The following PRCD variants were observed in gnomAD, a reference collection of about 807,000 sequenced individuals.
The protein encoded by PRCD is photoreceptor disk component PRCD.
A neutral mutation model predicts 10.1 loss-of-function variants in PRCD; 12 were observed. The observed-to-expected ratio is 1.18, with a 90% CI of 0.76 to 1.92. The LOEUF is 1.92. Ranked by LOEUF, PRCD falls within the 40% of genes most tolerant of loss-of-function variation. The pLI is 0.00. For synonymous variants in PRCD, 31 were observed against 26.2 expected, an observed-to-expected ratio of 1.18 and a Z score of -0.56; for missense variants, 61 against 72.2, an observed-to-expected ratio of 0.84 and a Z score of 0.56.
At position 76,531,666 on chromosome 17, in the gene PRCD, T is replaced by C; in HGVS notation, n.45+3833T>C. 6.2e-7 allele frequency: 1 copy of C among 1,600,176 alleles called. No homozygotes were observed. Among genetic ancestry groups the C allele is most frequent in the Non-Finnish European group, 8.6e-7 (1 of 1,168,346 alleles). Reference sequence around the variant, plus strand: ...TGCTTGAACTGGCTGAAGTACTGCTTGGCCGAGGGGAAGTTCACAAAGAAC... The same window carrying C: ...TGCTTGAACTGGCTGAAGTACTGCTCGGCCGAGGGGAAGTTCACAAAGAAC... On this transcript the variant is annotated intron_variant and non_coding_transcript_variant, in intron 1 of 4. Coordinates refer to the PRCD transcript ENST00000397633. The surrounding 1 kb of genome is among the most constrained non-coding windows in gnomAD (Gnocchi z 7.4).
chr17:76,540,356 A>C lies in PRCD; in HGVS notation c.74+141A>C. On this transcript the variant is annotated intron_variant, in intron 1 of 4. Transcript: ENST00000592014. The surrounding 1 kb of genome is among the most constrained non-coding windows in gnomAD (Gnocchi z 5.0). ...GGGCATTTTGAGGAACCCTTGAGAG[A>C]GCACAGTCTCAGAGCAGGGGGACTT... 1 of 1,277,628 alleles carries C rather than the reference A, an allele frequency of 7.8e-7. No homozygotes were observed. The highest frequency in any genetic ancestry group is 1.2e-5 in the South Asian group (1 of 80,756). 79.1% of individuals were successfully genotyped at this position (1,277,628 alleles called of 1,614,324 possible).
Position 76,540,456 on chromosome 17 carries a change from G to A in PRCD, c.75-49G>A. 1 of 1,595,698 alleles carries A rather than the reference G, an allele frequency of 6.3e-7. No individual in the cohort carries two copies. The highest frequency in any genetic ancestry group is 8.6e-7 in the Non-Finnish European group (1 of 1,163,828). ...GCCTGGACCTGTGGAGGGACAGTGA[G>A]GGGCTGGGCACAGCCATAGCTCTTC... is the stretch of plus-strand genomic sequence containing the variant. On this transcript the variant is annotated intron_variant, in intron 1 of 4. Transcript: ENST00000592014. The surrounding 1 kb of genome is among the most constrained non-coding windows in gnomAD (Gnocchi z 5.0).
rs144319284 is a variant in PRCD at position 76,544,240 on chromosome 17, C to T, written c.*590C>T. Reference sequence around the variant, plus strand: ...GCGTCTCTCCTCCCCAGCCAGCCCCCCTCCCAGCCCAGCGGCGATGTCTCT... The same window carrying T: ...GCGTCTCTCCTCCCCAGCCAGCCCCTCTCCCAGCCCAGCGGCGATGTCTCT... On this transcript the variant is annotated 3_prime_UTR_variant, in exon 5 of 5. Coordinates refer to ENST00000592014, the MANE Select transcript of PRCD (RefSeq NM_001077620.3). The T allele has an allele frequency of 7.3e-5, 33 of 454,466 alleles. No individual in the cohort carries two copies. The highest frequency in any genetic ancestry group is 1.3e-4 in the Non-Finnish European group (30 of 226,808). The allele number at this position is 454,466 out of a possible 1,614,324, so 28.2% of individuals were successfully genotyped here. A position where few individuals can be genotyped will look rare whatever the true frequency, so the allele number is the denominator to read the frequency against.
At chr17:76,545,595 T>C (rs1017878379), downstream of PRCD, 5 of 341,956 alleles carry the variant, frequency 1.5e-5, no homozygotes, top group African/African-American at 4.3e-5. Flanking sequence ...GCTCCTGGGT[T>C]TGAACCTTGT....
At position 76,528,212 on chromosome 17, in the gene PRCD, G is replaced by C. The variant is rs1215262617; in HGVS notation, n.45+379G>C. 4 of 398,162 alleles carry C rather than the reference G, an allele frequency of 1.0e-5. No homozygotes were observed. Among genetic ancestry groups the C allele is most frequent in the African/African-American group, 8.2e-5 (4 of 48,578 alleles). The allele number at this position is 398,162 out of a possible 1,614,324, so 24.7% of individuals were successfully genotyped here. A position where few individuals can be genotyped will look rare whatever the true frequency, so the allele number is the denominator to read the frequency against. ...ATGTGTGCGTGATACTCTAGATGGT[G>C]ATGTGGAGACCTGCATGCTGGCCGG... On this transcript the variant is annotated intron_variant and non_coding_transcript_variant, in intron 1 of 4. Coordinates refer to the PRCD transcript ENST00000397633. This position sits in a 1 kb window ranked among gnomAD's most constrained non-coding sequence, Gnocchi z 5.8.
rs1165978825 is a variant in PRCD, at chr17:76,528,370, C to T, written n.45+537C>T. 1.9e-5 allele frequency: 8 copies of T among 422,582 alleles called. No individual in the cohort carries two copies. The highest frequency in any genetic ancestry group is 4.4e-5 in the Admixed American group (1 of 22,736). 26.2% of individuals were successfully genotyped at this position (422,582 alleles called of 1,614,324 possible). On this transcript the variant is annotated intron_variant and non_coding_transcript_variant, in intron 1 of 4. Transcript: ENST00000397633. The surrounding 1 kb of genome is among the most constrained non-coding windows in gnomAD (Gnocchi z 5.8). Reference sequence around the variant, plus strand: ...GAAGAGTGGGCCCCGCTCTGCCCGCCGCGCTGGGGTCAGCATCCAGGCAGC... The same window carrying T: ...GAAGAGTGGGCCCCGCTCTGCCCGCTGCGCTGGGGTCAGCATCCAGGCAGC...
intron 1 of PRCD, chr17:76,529,825 G>A: frequency 1.0e-6 from 1 of 985,376 alleles, no homozygotes; most frequent in Non-Finnish European, 1.2e-6. Flanking sequence ...AGGCAGGCCA[G>A]GGCCCAGCTG....
At position 76,528,371 on chromosome 17, in the gene PRCD, G is replaced by A. The variant is rs1386436017; in HGVS notation, n.45+538G>A. ...AAGAGTGGGCCCCGCTCTGCCCGCC[G>A]CGCTGGGGTCAGCATCCAGGCAGCC... On this transcript the variant is annotated intron_variant and non_coding_transcript_variant, in intron 1 of 4. Transcript: ENST00000397633. This position sits in a 1 kb window ranked among gnomAD's most constrained non-coding sequence, Gnocchi z 5.8. 7.1e-6 allele frequency: 3 copies of A among 424,394 alleles called. No individual in the cohort carries two copies. The highest frequency in any genetic ancestry group is 3.6e-5 in the East Asian group (1 of 28,164). The allele number at this position is 424,394 out of a possible 1,614,324, so 26.3% of individuals were successfully genotyped here.
At chr17:76,550,559 C>T (rs1203845457) in intron 1 of PRCD, 2 of 152,186 alleles carry the variant, frequency 1.3e-5, no homozygotes, top group Non-Finnish European at 2.9e-5. Context: ...ACCGCACCCG[C>T]CTAAGAAGGT....
downstream of PRCD, chr17:76,545,538 C>A: frequency 2.8e-6 from 1 of 355,362 alleles, no homozygotes. Flanking sequence ...AGGGTGCTGG[C>A]TACTGTGAAA....
chr17:76,542,806 G>A (rs953941495), intron 3 of PRCD, among the ~76,000 whole-genome samples, 173 bp downstream of exon 3: 4 of 152,248 alleles, frequency 2.6e-5, no homozygotes, highest in Non-Finnish European at 5.9e-5. Flanking sequence ...CCTTGAGCCT[G>A]TTGTGGTCCG....
rs913937445 is a variant in PRCD at position 76,528,002 on chromosome 17, C to T, written n.45+169C>T. On this transcript the variant is annotated intron_variant and non_coding_transcript_variant, in intron 1 of 4. Coordinates refer to the PRCD transcript ENST00000397633. This position sits in a 1 kb window ranked among gnomAD's most constrained non-coding sequence, Gnocchi z 5.8. ...GGTCCTCTGCGCTGCTGTGGGATTT[C>T]CTCTTTGCCAGAACACTCTGTTCTC... 1 of 361,316 alleles carries T rather than the reference C, an allele frequency of 2.8e-6. No individual in the cohort carries two copies. The highest frequency in any genetic ancestry group is 7.1e-5 in the East Asian group (1 of 14,046). 22.4% of individuals were successfully genotyped at this position (361,316 alleles called of 1,614,324 possible).
At chr17:76,532,692 C>T (rs993364721) in intron 1 of PRCD, among the ~76,000 whole-genome samples, 4 of 152,002 alleles carry the variant, frequency 2.6e-5, no homozygotes, top group African/African-American at 7.2e-5. Flanking sequence ...TCACCACGCC[C>T]GGCTAGCTAA....
At chr17:76,535,196 G>T (rs1163764643), upstream of PRCD, among the ~76,000 whole-genome samples, 1 of 152,224 alleles carries the variant, frequency 6.6e-6, no homozygotes, top group African/African-American at 2.4e-5. Flanking sequence ...CCAGGTTGGG[G>T]GTGTGGAAGT....
chr17:76,545,069 G>C lies in PRCD; in HGVS notation c.*1419G>C. 1 of 451,632 alleles carries C rather than the reference G, an allele frequency of 2.2e-6. No homozygotes were observed. Among genetic ancestry groups the C allele is most frequent in the South Asian group, 1.6e-5 (1 of 64,432 alleles). 28.0% of individuals were successfully genotyped at this position (451,632 alleles called of 1,614,324 possible). A position where few individuals can be genotyped will look rare whatever the true frequency, so the allele number is the denominator to read the frequency against. On this transcript the variant is annotated 3_prime_UTR_variant, in exon 5 of 5. Transcript: ENST00000592014. Reference sequence around the variant, plus strand: ...GCCATGTGGGCCGGGTGGGGGGGCTGTCTCCCCCAGGGAGCAGGCTGGCTT... The same window carrying C: ...GCCATGTGGGCCGGGTGGGGGGGCTCTCTCCCCCAGGGAGCAGGCTGGCTT...
At chr17:76,527,992 T>C (rs1040058737) in intron 1 of PRCD, 13 of 360,420 alleles carry the variant, frequency 3.6e-5, no homozygotes, top group African/African-American at 2.6e-4. Context: ...TCTGCGCTGC[T>C]GTGGGATTTC....
At chr17:76,549,780 T>C (rs888499943), downstream of PRCD, among the ~76,000 whole-genome samples, 14 of 151,990 alleles carry the variant, frequency 9.2e-5, no homozygotes, top group African/African-American at 3.4e-4. Context: ...CATGGGTAAA[T>C]TGAGAGAAGC....
At chr17:76,540,003 G>A, upstream of PRCD, 1 of 885,248 alleles carries the variant, frequency 1.1e-6, no homozygotes, top group Non-Finnish European at 1.8e-6. The surrounding 1 kb of genome is among the most constrained non-coding windows in gnomAD (Gnocchi z 5.0). Flanking sequence ...CCACTAATCA[G>A]CTTGAGCCTC....
rs1394119993 is a variant in PRCD at position 76,530,421 on chromosome 17, T to A, written n.45+2588T>A. ...CTCCAGGTCAGCCTGGAAGTAAACATGCCCCTGCTCGTGTGCGTGTGAGCG... is the reference window on the plus strand; with the variant it reads ...CTCCAGGTCAGCCTGGAAGTAAACAAGCCCCTGCTCGTGTGCGTGTGAGCG... On this transcript the variant is annotated intron_variant and non_coding_transcript_variant, in intron 1 of 4. Coordinates refer to the PRCD transcript ENST00000397633. The surrounding 1 kb of genome is among the most constrained non-coding windows in gnomAD (Gnocchi z 6.1). Among the ~76,000 whole-genome samples, 1 of 152,158 alleles carries A rather than the reference T, an allele frequency of 6.6e-6. No homozygotes were observed. The highest frequency in any genetic ancestry group is 1.5e-5 in the Non-Finnish European group (1 of 68,012).
Sources: allele counts gnomAD v4.1 joint callset (sites outside exome capture counted in the v4.1 genomes callset), GRCh38; gene constraint gnomAD v4.1.1; non-coding constraint Gnocchi (gnomAD v3.1); transcripts MANE v1.5; gene names NCBI Gene and HGNC (gene_info 2026-07-23, HGNC 2026-07-21).